Variants in UGT1A10 observed in about 807,000 individuals in gnomAD.
UGT1A10 encodes UDP glucuronosyltransferase family 1 member A10.
Under a neutral mutation model 45.8 loss-of-function variants are expected in UGT1A10, and 49 were observed. The ratio of observed to expected loss-of-function variants is 1.07; its 90% CI spans 0.85 to 1.36. UGT1A10 has a LOEUF of 1.36. Ranked by LOEUF, UGT1A10 falls within the 40% of genes most tolerant of loss-of-function variation. The pLI is 0.00. For synonymous variants in UGT1A10, 284 were observed against 249.7 expected, an observed-to-expected ratio of 1.14 and a Z score of -1.29; for missense variants, 745 against 668.6, an observed-to-expected ratio of 1.11 and a Z score of -1.26.
chr2:233,729,285 C>G (rs1346383611), intron 1 of UGT1A10: 12 of 1,614,080 alleles, frequency 7.4e-6, no homozygotes, highest in Non-Finnish European at 5.9e-6. Context: ...AGCTCCATGC[C>G]AGAGGCCACC....
intron 1 of UGT1A10, among the ~76,000 whole-genome samples, chr2:233,657,816 A>C (rs1306817362): frequency 6.6e-6 from 1 of 152,182 alleles, no homozygotes; most frequent in Non-Finnish European, 1.5e-5. Context: ...GTAAATGTTC[A>C]GGTCTATGCC....
intron 1 of UGT1A10, among the ~76,000 whole-genome samples, chr2:233,737,292 G>T (rs573133918): frequency 6.6e-6 from 1 of 152,194 alleles, no homozygotes; most frequent in Non-Finnish European, 1.5e-5. Flanking sequence ...CCAGGCTGCC[G>T]CCTCACAGTT....
chr2:233,720,478 G>A (rs1452350529), intron 1 of UGT1A10, among the ~76,000 whole-genome samples: 1 of 152,164 alleles, frequency 6.6e-6, no homozygotes, highest in African/African-American at 2.4e-5. Flanking sequence ...GAATGGACAT[G>A]TGTCCAAGAA....
At chr2:233,681,530 CAAAAAA>C (rs747693860) in intron 1 of UGT1A10, among the ~76,000 whole-genome samples, 1 of 77,710 alleles carries the variant, frequency 1.3e-5, no homozygotes. Context: ...GACTCCATCT[CAAAAAA>C]AAAAAAAAAA....
chr2:233,755,411 C>T (rs1182147250), intron 1 of UGT1A10: 6 of 330,824 alleles, frequency 1.8e-5, no homozygotes, highest in African/African-American at 1.1e-4. Flanking sequence ...TTGGCCGAGG[C>T]CTGTGAGCGC....
chr2:233,695,904 T>G (rs1053532133), intron 1 of UGT1A10, among the ~76,000 whole-genome samples: 3 of 152,084 alleles, frequency 2.0e-5, no homozygotes, highest in Non-Finnish European at 4.4e-5. Context: ...TGTGTGGGGT[T>G]TTTTTTCTCC....
At chr2:233,673,873 C>T (rs2074267276) in intron 1 of UGT1A10, among the ~76,000 whole-genome samples, 1 of 152,150 alleles carries the variant, frequency 6.6e-6, no homozygotes, top group Non-Finnish European at 1.5e-5. Flanking sequence ...AAAGAATTCC[C>T]TTCTCTGATA....
At chr2:233,649,071 A>T (rs2073674550) in intron 1 of UGT1A10, 5 of 898,896 alleles carry the variant, frequency 5.6e-6, no homozygotes, top group South Asian at 3.4e-5. Context: ...TCTGGATTTG[A>T]ATATTTAAAA....
chr2:233,732,570 C>A (rs1379814187), intron 1 of UGT1A10, among the ~76,000 whole-genome samples: 2 of 152,184 alleles, frequency 1.3e-5, no homozygotes, highest in Non-Finnish European at 2.9e-5. Flanking sequence ...GGAATCCTTT[C>A]CCCATTGCTT....
chr2:233,728,343 G>A (rs1020257927), intron 1 of UGT1A10, among the ~76,000 whole-genome samples: 1 of 152,192 alleles, frequency 6.6e-6, no homozygotes, highest in African/African-American at 2.4e-5. Context: ...CAGTCCCTTG[G>A]TGAGCAGGAG....
rs1392569558 is a variant in UGT1A10 at position 233,757,114 on chromosome 2, G to T, written c.856-9920G>T. ...GCAGAGGGAGGGGGCAAGCAGAAGG[G>T]CTAGAGAGGAGGAATGAGCTTGGAC... On this transcript the variant is annotated intron_variant, in intron 1 of 4. Transcript: ENST00000344644. Among the ~76,000 whole-genome samples the T allele has an allele frequency of 7.3e-5, 11 of 151,392 alleles. No individual in the cohort carries two copies. In the South Asian group the frequency reaches 1.7e-3, roughly 23 times the overall value.
chr2:233,768,255 G>C lies in UGT1A10; in HGVS notation c.1111G>C (p.Gly371Arg). ...PMTRAFITHA[G>R]SHGVYESICN... is the part of the protein sequence containing the mutation. ...GACCCGTGCCTTTATCACCCATGCT[G>C]GTTCCCATGGTGTTTATGAAAGCAT... Residue 371 changes from glycine to arginine, a missense_variant, in exon 4 of 5, where the codon GGT (glycine) becomes CGT (arginine). By Grantham distance (125) the Gly-to-Arg change is moderately radical. Transcript: ENST00000344644. 1 of 1,614,166 alleles carries C rather than the reference G, an allele frequency of 6.2e-7. No individual in the cohort carries two copies. The highest frequency in any genetic ancestry group is 8.5e-7 in the Non-Finnish European group (1 of 1,180,040).
chr2:233,680,466 C>A (rs1451550881), intron 1 of UGT1A10, among the ~76,000 whole-genome samples: 1 of 152,070 alleles, frequency 6.6e-6, no homozygotes, highest in East Asian at 1.9e-4. Flanking sequence ...TGTCTAGTAC[C>A]AGTTAGGGTG....
intron 1 of UGT1A10, among the ~76,000 whole-genome samples, chr2:233,638,107 CA>C (rs1455423209): frequency 6.6e-6 from 1 of 152,126 alleles, no homozygotes; most frequent in Admixed American, 6.5e-5. Context: ...CGTAGGGTTA[CA>C]GGGTTTTCCT....
chr2:233,767,249 T>C, intron 2 of UGT1A10, 84 bp downstream of exon 2: 1 of 1,600,756 alleles, frequency 6.2e-7, no homozygotes, highest in Non-Finnish European at 8.5e-7. Context: ...TTAATTCTCT[T>C]AATTGGAACC....
intron 1 of UGT1A10, among the ~76,000 whole-genome samples, chr2:233,727,669 C>T (rs531135628): frequency 6.8e-4 from 104 of 152,310 alleles, no homozygotes; most frequent in Non-Finnish European, 1.3e-3. Flanking sequence ...TATGTCCTTA[C>T]AAATTCCCAG....
intron 1 of UGT1A10, among the ~76,000 whole-genome samples, chr2:233,756,623 G>A (rs1327328388): frequency 6.6e-6 from 1 of 152,146 alleles, no homozygotes; most frequent in East Asian, 1.9e-4. Flanking sequence ...CTTGCAGGCC[G>A]TGTGTATAGC....
At chr2:233,661,974 A>G (rs2125489846) in intron 1 of UGT1A10, among the ~76,000 whole-genome samples, 1 of 152,234 alleles carries the variant, frequency 6.6e-6, no homozygotes, top group South Asian at 2.1e-4. Flanking sequence ...GTACACATGG[A>G]GATGATCAGC....
chr2:233,668,506 C>A (rs1375098038), intron 1 of UGT1A10, among the ~76,000 whole-genome samples: 1 of 152,156 alleles, frequency 6.6e-6, no homozygotes, highest in Non-Finnish European at 1.5e-5. Flanking sequence ...AATAGTGCCC[C>A]AATAAACATA....
Sources: allele counts gnomAD v4.1 joint callset (sites outside exome capture counted in the v4.1 genomes callset), GRCh38; gene constraint gnomAD v4.1.1; transcripts MANE v1.5; gene names NCBI Gene and HGNC (gene_info 2026-07-23, HGNC 2026-07-21).